The following HNRNPC variants were observed in gnomAD, a reference collection of about 807,000 sequenced individuals.
HNRNPC encodes heterogeneous nuclear ribonucleoprotein C.
Under a neutral mutation model 33.2 loss-of-function variants are expected in HNRNPC, and 3 were observed. The ratio of observed to expected loss-of-function variants is 0.09; its 90% CI spans 0.04 to 0.23. HNRNPC has a LOEUF of 0.23. HNRNPC is among the 10% of genes least tolerant of loss of function. The pLI, the probability that HNRNPC is intolerant of heterozygous loss-of-function variation, is 1.00. For missense variants in HNRNPC, 143 were observed against 366.7 expected (o/e 0.39, Z 4.98); for synonymous variants, 121 against 126.7 (o/e 0.96, Z 0.30).
intron 8 of HNRNPC, 27 bp from the exon 9 acceptor site, chr14:21,211,333 G>A: frequency 1.2e-6 from 2 of 1,613,546 alleles, no homozygotes; most frequent in South Asian, 2.2e-5. Flanking sequence ...CAAACAGGAT[G>A]GAGTTAGAGG....
At chr14:21,224,319 T>C (rs1415774756) in intron 5 of HNRNPC, among the ~76,000 whole-genome samples, 1 of 152,156 alleles carries the variant, frequency 6.6e-6, no homozygotes, top group Non-Finnish European at 1.5e-5. Context: ...ATTTCAATGG[T>C]TTCATTTCAA....
chr14:21,239,525 T>C (rs1019047901), intron 2 of HNRNPC, among the ~76,000 whole-genome samples: 17 of 151,908 alleles, frequency 1.1e-4, no homozygotes, highest in African/African-American at 3.6e-4. Flanking sequence ...TGCTATTTCT[T>C]TCTTAAACTC....
intron 2 of HNRNPC, among the ~76,000 whole-genome samples, chr14:21,252,718 G>C (rs995265517): frequency 2.0e-5 from 3 of 152,176 alleles, no homozygotes; most frequent in African/African-American, 7.2e-5. Context: ...AATATCTACA[G>C]ATGAAATGTA....
chr14:21,252,044 A>C (rs1896736235), intron 2 of HNRNPC, among the ~76,000 whole-genome samples: 1 of 152,204 alleles, frequency 6.6e-6, no homozygotes, highest in Admixed American at 6.5e-5. Flanking sequence ...CCAAAACAGG[A>C]GATTATATCT....
At chr14:21,255,475 G>A (rs1338472211) in intron 2 of HNRNPC, among the ~76,000 whole-genome samples, 1 of 152,228 alleles carries the variant, frequency 6.6e-6, no homozygotes, top group African/African-American at 2.4e-5. Flanking sequence ...CAACACGGTA[G>A]TCTATGTGCT....
At chr14:21,266,919 C>A (rs1477055151) in intron 1 of HNRNPC, among the ~76,000 whole-genome samples, 1 of 149,398 alleles carries the variant, frequency 6.7e-6, no homozygotes, top group African/African-American at 2.5e-5. Context: ...GGTGAAACCC[C>A]GTCTCTACTA....
intron 2 of HNRNPC, among the ~76,000 whole-genome samples, chr14:21,251,286 A>C: frequency 7.2e-6 from 1 of 138,924 alleles, no homozygotes; most frequent in African/African-American, 2.7e-5. Context: ...AAAAAAAAAG[A>C]CTTCATTTCC....
chr14:21,259,893 A>AG (rs918735239), intron 2 of HNRNPC, among the ~76,000 whole-genome samples: 1 of 150,668 alleles, frequency 6.6e-6, no homozygotes, highest in Non-Finnish European at 1.5e-5. Context: ...AAAAAAAAAA[A>AG]AAAACAATAA....
chr14:21,261,549 G>C (rs893684533), intron 2 of HNRNPC, among the ~76,000 whole-genome samples: 1 of 152,088 alleles, frequency 6.6e-6, no homozygotes, highest in South Asian at 2.1e-4. Flanking sequence ...TATGGTATAA[G>C]GGGGCAAGTT....
intron 2 of HNRNPC, among the ~76,000 whole-genome samples, chr14:21,237,063 T>C (rs1036474267): frequency 6.6e-6 from 1 of 152,182 alleles, no homozygotes; most frequent in African/African-American, 2.4e-5. Context: ...CAGTTAAAAC[T>C]TAGAAGTTTC....
At chr14:21,216,786 A>G (rs1488813023) in intron 5 of HNRNPC, among the ~76,000 whole-genome samples, 1 of 152,192 alleles carries the variant, frequency 6.6e-6, no homozygotes, top group Non-Finnish European at 1.5e-5. Flanking sequence ...TGAACTACCA[A>G]CTGATGACAG....
chr14:21,255,517 C>T (rs1291829182), intron 2 of HNRNPC, among the ~76,000 whole-genome samples: 2 of 152,212 alleles, frequency 1.3e-5, no homozygotes, highest in East Asian at 1.9e-4. Flanking sequence ...CACAGCTAAA[C>T]CTTTTAAAGC....
intron 2 of HNRNPC, among the ~76,000 whole-genome samples, chr14:21,242,691 C>G (rs1042575493): frequency 1.1e-4 from 16 of 152,160 alleles, no homozygotes; most frequent in African/African-American, 3.6e-4. Context: ...TCAACCTAAA[C>G]TAAGGGATCA....
chr14:21,233,278 ACT>A (rs1365551971), intron 3 of HNRNPC, among the ~76,000 whole-genome samples: 4 of 152,184 alleles, frequency 2.6e-5, no homozygotes, highest in Non-Finnish European at 5.9e-5. Context: ...GTTTCACATA[ACT>A]CTAACCTACC....
In HNRNPC at chr14:21,269,387, GC is replaced by G. The variant is rs1385068467; in HGVS notation, c.-153del. 6.5e-6 allele frequency: 1 copy of G among 154,590 alleles called. No homozygotes were observed. Among genetic ancestry groups the G allele is most frequent in the Non-Finnish European group, 1.4e-5 (1 of 69,044 alleles). 9.6% of individuals were successfully genotyped at this position (154,590 alleles called of 1,614,324 possible). A position where few individuals can be genotyped will look rare whatever the true frequency, so the allele number is the denominator to read the frequency against. On this transcript the variant is annotated 5_prime_UTR_variant, in exon 1 of 9. Coordinates refer to ENST00000553300, the MANE Select transcript of HNRNPC (RefSeq NM_004500.4). The stretch of plus-strand genomic sequence containing the variant: ...CCGACTGCTGCTGGAGGTCGGCAAC[GC>G]GGCCACAACCGCTCAGTCTTCGTCT...
intron 5 of HNRNPC, among the ~76,000 whole-genome samples, chr14:21,224,532 C>CT (rs1452862492): frequency 1.3e-5 from 2 of 152,172 alleles, no homozygotes; most frequent in East Asian, 3.8e-4. Flanking sequence ...CAAGCACCTA[C>CT]TTTCATACCT....
intron 2 of HNRNPC, among the ~76,000 whole-genome samples, chr14:21,258,602 T>C (rs979910967): frequency 2.0e-4 from 29 of 146,854 alleles, no homozygotes; most frequent in African/African-American, 8.0e-4. Context: ...TTGATGATGA[T>C]TAAGTTAACA....
intron 2 of HNRNPC, among the ~76,000 whole-genome samples, chr14:21,244,587 G>C (rs1181720289): frequency 6.6e-6 from 1 of 152,108 alleles, no homozygotes; most frequent in Admixed American, 6.5e-5. Context: ...TCTTCCCTTA[G>C]CTCTATTCTT....
At chr14:21,211,627 C>G in intron 7 of HNRNPC, 61 bp from the exon 8 acceptor site, 1 of 1,545,902 alleles carries the variant, frequency 6.5e-7, no homozygotes, top group East Asian at 2.4e-5. Flanking sequence ...GTAGACAATC[C>G]CCACTAAGGA....
Sources: gnomAD v4.1 joint callset for allele counts (sites outside exome capture counted in the v4.1 genomes callset) on GRCh38, gnomAD v4.1.1 for gene constraint, MANE v1.5 for transcripts, NCBI Gene and HGNC (gene_info 2026-07-23, HGNC 2026-07-21) for gene names.